The following PALLD variants were observed in gnomAD, a reference collection of about 807,000 sequenced individuals.
The protein encoded by PALLD is palladin, cytoskeletal associated protein.
A neutral mutation model predicts 123.5 loss-of-function variants in PALLD; 61 were observed. The ratio of observed to expected loss-of-function variants is 0.49; its 90% CI spans 0.40 to 0.61. The LOEUF (loss-of-function observed/expected upper bound fraction) is 0.61, where lower values mean the gene tolerates loss of function less well. Ranked by LOEUF, PALLD falls within the 20% of genes least tolerant of loss-of-function variation. The pLI is 0.00. For missense variants in PALLD, 1,273 were observed against 1,377.0 expected (o/e 0.92, Z 1.20); for synonymous variants, 465 against 496.4 (o/e 0.94, Z 0.84).
chr4:168,569,455 G>A (rs1004714627), intron 2 of PALLD, among the ~76,000 whole-genome samples: 4 of 152,206 alleles, frequency 2.6e-5, no homozygotes, highest in Non-Finnish European at 4.4e-5. Context: ...ATATTACAAA[G>A]GGCTGAAGTT....
At chr4:168,588,792 G>A (rs1055544486) in intron 2 of PALLD, among the ~76,000 whole-genome samples, 1 of 152,070 alleles carries the variant, frequency 6.6e-6, no homozygotes, top group African/African-American at 2.4e-5. Context: ...AATGTACAAA[G>A]AGCAAAATGG....
At chr4:168,800,113 A>G (rs559189563) in intron 10 of PALLD, among the ~76,000 whole-genome samples, 2 of 152,328 alleles carry the variant, frequency 1.3e-5, no homozygotes, top group African/African-American at 4.8e-5. Context: ...ATTTGCTTTA[A>G]AAGTTCCTCT....
chr4:168,622,369 G>T (rs1774846234), intron 2 of PALLD, among the ~76,000 whole-genome samples: 1 of 152,192 alleles, frequency 6.6e-6, no homozygotes, highest in South Asian at 2.1e-4. Context: ...AAGCCTTGAA[G>T]AATGTTCAGA....
intron 10 of PALLD, among the ~76,000 whole-genome samples, chr4:168,780,369 A>T (rs1735748534): frequency 6.6e-6 from 1 of 152,222 alleles, no homozygotes; most frequent in Non-Finnish European, 1.5e-5. Context: ...GTCCCTGACT[A>T]ATGCAGCATT....
chr4:168,891,705 A>G (rs536264926), intron 11 of PALLD, among the ~76,000 whole-genome samples: 5 of 149,446 alleles, frequency 3.3e-5, no homozygotes, highest in African/African-American at 1.2e-4. Context: ...AAAGGAACAC[A>G]GGGATTCCAT....
At chr4:168,896,326 C>G (rs1163725549) in intron 12 of PALLD, among the ~76,000 whole-genome samples, 1 of 152,050 alleles carries the variant, frequency 6.6e-6, no homozygotes, top group African/African-American at 2.4e-5. Context: ...GCAAAATCAT[C>G]TAACACAAAG....
At position 168,711,938 on chromosome 4, in the gene PALLD, A is replaced by G. The variant is rs1294413791; in HGVS notation, c.1964+15A>G. The G allele has an allele frequency of 1.9e-6, 3 of 1,600,932 alleles. No individual in the cohort carries two copies. The highest frequency in any genetic ancestry group is 3.3e-5 in the Admixed American group (2 of 59,938). ...AAACCAAAACTGTGAGTATTTCTGCATGGTTTTATAATAATTTCCATACCC... is the reference window on the plus strand; with the variant it reads ...AAACCAAAACTGTGAGTATTTCTGCGTGGTTTTATAATAATTTCCATACCC... On this transcript the variant is annotated intron_variant, in intron 10 of 21. Transcript: ENST00000505667.
chr4:168,645,880 G>T (rs1286675053), intron 2 of PALLD, among the ~76,000 whole-genome samples: 15 of 152,124 alleles, frequency 9.9e-5, no homozygotes, highest in Admixed American at 9.8e-4. Flanking sequence ...GCTCAGGCAC[G>T]GGGCTGTAAT....
chr4:168,680,090 G>A lies in PALLD; in HGVS notation c.1088-1242G>A, dbSNP rs79761699. On this transcript the variant is annotated intron_variant, in intron 3 of 21. Coordinates refer to ENST00000505667, the MANE Select transcript of PALLD (RefSeq NM_001166108.2). ...TGAACGTATGTATTCTAAATCTACTGATAGGCAAAAGTAGCCAAATGCCAA... is the reference window on the plus strand; with the variant it reads ...TGAACGTATGTATTCTAAATCTACTAATAGGCAAAAGTAGCCAAATGCCAA... 8.5e-3 allele frequency among the ~76,000 whole-genome samples: 1,288 copies of A among 152,236 alleles called. 18 individuals carry two copies. The highest frequency in any genetic ancestry group is 0.051 in the Admixed American group (779 of 15,288).
At position 168,709,009 on chromosome 4, in the gene PALLD, C is replaced by A. The variant is rs750918998; in HGVS notation, c.1502-19C>A. The A allele has an allele frequency of 1.2e-6, 2 of 1,612,296 alleles. No homozygotes were observed. The highest frequency in any genetic ancestry group is 1.7e-6 in the Non-Finnish European group (2 of 1,178,456). On this transcript the variant is annotated intron_variant, in intron 8 of 21. Coordinates refer to ENST00000505667, the MANE Select transcript of PALLD (RefSeq NM_001166108.2). Reference sequence around the variant, plus strand: ...CATGGTTCAACTCTGATGAATGATTCTGTTCTCTTCACTTCCAGAGGAGAT... The same window carrying A: ...CATGGTTCAACTCTGATGAATGATTATGTTCTCTTCACTTCCAGAGGAGAT...
intron 2 of PALLD, among the ~76,000 whole-genome samples, chr4:168,601,681 T>C (rs1772676175): frequency 6.6e-6 from 1 of 152,246 alleles, no homozygotes; most frequent in African/African-American, 2.4e-5. Flanking sequence ...ATAACAGAAG[T>C]TGAATGCAAG....
At chr4:168,798,703 T>C (rs1738865961) in intron 10 of PALLD, among the ~76,000 whole-genome samples, 2 of 152,216 alleles carry the variant, frequency 1.3e-5, no homozygotes, top group African/African-American at 2.4e-5. Context: ...ATTTTTATCC[T>C]ACTAAAACAA....
intron 10 of PALLD, among the ~76,000 whole-genome samples, chr4:168,866,018 AC>A (rs1177139889): frequency 6.6e-6 from 1 of 151,872 alleles, no homozygotes; most frequent in African/African-American, 2.4e-5. Context: ...GGTGGCTCAC[AC>A]CTGTAATCCC....
intron 2 of PALLD, among the ~76,000 whole-genome samples, chr4:168,607,126 T>C (rs1003709921): frequency 6.6e-6 from 1 of 151,954 alleles, no homozygotes; most frequent in African/African-American, 2.4e-5. Context: ...TATAGGTGCT[T>C]GCAAGGAAGT....
intron 8 of PALLD, among the ~76,000 whole-genome samples, chr4:168,705,644 TTTTTC>T (rs1346204316): frequency 1.3e-5 from 2 of 152,204 alleles, no homozygotes; most frequent in Admixed American, 6.5e-5. Flanking sequence ...TGGCTTTCTT[TTTTTC>T]TTTTGAGACA....
chr4:168,798,060 C>T (rs1200357066), intron 10 of PALLD, among the ~76,000 whole-genome samples: 1 of 152,146 alleles, frequency 6.6e-6, no homozygotes. Flanking sequence ...GAAAAGTCTG[C>T]CCAGTTACCC....
intron 10 of PALLD, among the ~76,000 whole-genome samples, chr4:168,751,016 A>ATTT (rs748523240): frequency 7.0e-6 from 1 of 142,132 alleles, no homozygotes. Flanking sequence ...CTGCGTGTGT[A>ATTT]TTTTTTTTTT....
In PALLD at chr4:168,511,846, T is replaced by C. The variant is rs1467174348; in HGVS notation, c.342T>C (p.Ser114=). 10 of 1,613,886 alleles carry C rather than the reference T, an allele frequency of 6.2e-6. No individual in the cohort carries two copies. Among genetic ancestry groups the C allele is most frequent in the African/African-American group, 1.3e-5 (1 of 74,918 alleles). The part of the protein sequence containing the change: ...PLAEKQTKSI[S]SPVSKRKPAM... Reference sequence around the variant, plus strand: ...CAGAGAAACAAACTAAGAGTATCTCTTCACCTGTTTCAAAGAGGAAACCTG... The same window carrying C: ...CAGAGAAACAAACTAAGAGTATCTCCTCACCTGTTTCAAAGAGGAAACCTG... The change falls in exon 2 of 22, where the codon TCT becomes TCC. Residue 114 remains serine, a synonymous_variant. Transcript: ENST00000505667.
At chr4:168,616,174 C>T (rs912810878) in intron 2 of PALLD, among the ~76,000 whole-genome samples, 1 of 152,094 alleles carries the variant, frequency 6.6e-6, no homozygotes, top group Non-Finnish European at 1.5e-5. Flanking sequence ...GAGTACTCCC[C>T]ACGCTATCTT....
Sources: gnomAD v4.1 joint callset for allele counts (sites outside exome capture counted in the v4.1 genomes callset) on GRCh38, gnomAD v4.1.1 for gene constraint, MANE v1.5 for transcripts, NCBI Gene and HGNC (gene_info 2026-07-23, HGNC 2026-07-21) for gene names.